The following WTAP variants were observed in gnomAD, a reference collection of about 807,000 sequenced individuals.
The protein encoded by WTAP is pre-mRNA-splicing regulator WTAP.
Under a neutral mutation model 50.0 loss-of-function variants are expected in WTAP, and 8 were observed. That is an observed-to-expected ratio of 0.16 (90% CI 0.09 to 0.29). The LOEUF is 0.29. WTAP is among the 10% of genes least tolerant of loss of function. WTAP has a pLI of 1.00. For missense variants in WTAP, 295 were observed against 470.7 expected, an observed-to-expected ratio of 0.63 and a Z score of 3.45; for synonymous variants, 194 against 169.0, an observed-to-expected ratio of 1.15 and a Z score of -1.15.
intron 1 of WTAP, chr6:159,730,762 G>C (rs570672718): frequency 3.3e-5 from 5 of 152,154 alleles, no homozygotes; most frequent in Non-Finnish European, 7.4e-5. Flanking sequence ...TCTGAGAGTT[G>C]ACTTAGGAAG....
At position 159,752,062 on chromosome 6, in the gene WTAP, CAAA is replaced by C. The variant is rs60854821; in HGVS notation, c.453-1384_453-1382del. On this transcript the variant is annotated intron_variant, in intron 6 of 7. Coordinates refer to ENST00000621533, the MANE Select transcript of WTAP (RefSeq NM_001270531.2). The stretch of plus-strand genomic sequence containing the variant: ...TGGCAACACAGTGAGACCCCCATCT[CAAA>C]AAAAAAAAAAAAATGCTGTAGGTGA... 2.7e-3 allele frequency among the ~76,000 whole-genome samples: 261 copies of C among 94,974 alleles called. 1 individual carries two copies. The Middle Eastern group carries it at 0.034, about 12-fold the overall frequency. The allele number at this position is 94,974 out of a possible 152,430, so 62.3% of individuals were successfully genotyped here.
chr6:159,746,632 T>TA (rs2114939768), intron 5 of WTAP, among the ~76,000 whole-genome samples: 1 of 152,364 alleles, frequency 6.6e-6, no homozygotes, highest in African/African-American at 2.4e-5. Flanking sequence ...GCCACGTAGT[T>TA]ACTATATTCT....
intron 5 of WTAP, among the ~76,000 whole-genome samples, chr6:159,747,960 A>G (rs1346019091): frequency 6.6e-6 from 1 of 152,204 alleles, no homozygotes; most frequent in African/African-American, 2.4e-5. Flanking sequence ...TGATGTTTCA[A>G]TACATATAAT....
At chr6:159,727,873 A>G (rs756719316) in intron 1 of WTAP, among the ~76,000 whole-genome samples, 170 bp downstream of exon 1, 3 of 152,190 alleles carry the variant, frequency 2.0e-5, no homozygotes, top group Non-Finnish European at 1.5e-5. Context: ...TGCGGGGAAC[A>G]CTTCCGCCGC....
upstream of WTAP, chr6:159,727,152 C>G: frequency 2.2e-5 from 26 of 1,194,778 alleles, no homozygotes; most frequent in Non-Finnish European, 2.7e-5. Flanking sequence ...CTCCGGGGCC[C>G]GCGGAGCTCG....
intron 6 of WTAP, chr6:159,749,051 C>T (rs1394818806): frequency 1.0e-6 from 1 of 991,298 alleles, no homozygotes; most frequent in Non-Finnish European, 1.2e-6. Context: ...TAGTTTGGGG[C>T]TCTATATTAC....
chr6:159,727,469 T>G (rs1179147463), upstream of WTAP: 20 of 956,728 alleles, frequency 2.1e-5, no homozygotes, highest in African/African-American at 4.2e-4. Context: ...AGCGGAGCCG[T>G]GCGGCGGGGC....
intron 2 of WTAP, among the ~76,000 whole-genome samples, chr6:159,736,948 C>A (rs1778959593): frequency 6.6e-6 from 1 of 152,160 alleles, no homozygotes; most frequent in South Asian, 2.1e-4. Flanking sequence ...TTAGATATTA[C>A]AGAAGTTTCC....
chr6:159,738,990 G>T lies in WTAP; in HGVS notation c.31G>T (p.Val11Phe). ...ATTCATATTGTAATTCTCTTTATAG[G>T]TTCGATTGAGTGAAACAGACTTCAA... Reference protein sequence around the residue: MTNEEPLPKKVRLSETDFKVM... With the variant: MTNEEPLPKKFRLSETDFKVM... Residue 11 changes from valine (V) to phenylalanine (F), a missense_variant and splice_region_variant, in exon 3 of 8, where the codon GTT (valine) becomes TTT (phenylalanine). By Grantham distance (50) the Val-to-Phe change is conservative (BLOSUM62 -1). Around this residue, in one of 2 missense-constraint regions of WTAP, gnomAD observed 120 missense variants for 287.6 expected, o/e 0.42. Coordinates refer to ENST00000621533, the MANE Select transcript of WTAP (RefSeq NM_001270531.2). 6.2e-7 allele frequency: 1 copy of T among 1,609,696 alleles called. No individual in the cohort carries two copies. Among genetic ancestry groups the T allele is most frequent in the Non-Finnish European group, 8.5e-7 (1 of 1,177,000 alleles).
intron 2 of WTAP, among the ~76,000 whole-genome samples, chr6:159,738,022 T>C (rs539285142): frequency 2.6e-5 from 4 of 152,336 alleles, no homozygotes; most frequent in Admixed American, 6.5e-5. Context: ...CTAGCAGACA[T>C]CTCTAATAAC....
chr6:159,750,218 A>T (rs1384118280), intron 6 of WTAP, among the ~76,000 whole-genome samples: 1 of 152,214 alleles, frequency 6.6e-6, no homozygotes, highest in African/African-American at 2.4e-5. Context: ...ATTTAAGTTC[A>T]CAGTAGAAAT....
At chr6:159,731,884 C>T (rs1488135298) in intron 1 of WTAP, among the ~76,000 whole-genome samples, 1 of 151,978 alleles carries the variant, frequency 6.6e-6, no homozygotes, top group Non-Finnish European at 1.5e-5. Flanking sequence ...CTTTTAATGC[C>T]CTTTAAAAAC....
chr6:159,737,308 T>G (rs75890430), intron 2 of WTAP, among the ~76,000 whole-genome samples: 3,052 of 152,062 alleles, frequency 0.02, 52 homozygotes, highest in Middle Eastern at 0.051. Flanking sequence ...GCCTCTGCCT[T>G]CCAAAGTGCT....
At chr6:159,743,482 T>TATG (rs1185275822) in intron 4 of WTAP, among the ~76,000 whole-genome samples, 183 bp from the exon 5 acceptor site, 6 of 152,270 alleles carry the variant, frequency 3.9e-5, no homozygotes, top group Non-Finnish European at 7.3e-5. Context: ...CATGGAGCAC[T>TATG]ATGACACCAT....
Position 159,756,185 on chromosome 6 carries a change from T to A in WTAP, c.*574T>A, listed in dbSNP as rs1219818308. 1 of 153,096 alleles carries A rather than the reference T, an allele frequency of 6.5e-6. No individual in the cohort carries two copies. The highest frequency in any genetic ancestry group is 1.5e-5 in the Non-Finnish European group (1 of 68,436). 9.5% of individuals were successfully genotyped at this position (153,096 alleles called of 1,614,324 possible). ...GTGCATTTTCTCTTTAGGTGACTGT[T>A]TAAGAAATTTGTGTGCATAGTTACT... On this transcript the variant is annotated 3_prime_UTR_variant, in exon 8 of 8. Coordinates refer to ENST00000621533, the MANE Select transcript of WTAP (RefSeq NM_001270531.2).
chr6:159,739,043 A>G lies in WTAP; in HGVS notation c.84A>G (p.Leu28=). The G allele has an allele frequency of 1.2e-6, 2 of 1,610,572 alleles. No individual in the cohort carries two copies. Among genetic ancestry groups the G allele is most frequent in the Non-Finnish European group, 1.7e-6 (2 of 1,177,784 alleles). ...TTATGGCAAGAGATGAGTTAATTCT[A>G]AGGTAAAATGTTCTCTGTTCAAAAA... ...FKVMARDELI[L]RWKQYEAYVQ... The change falls in exon 3 of 8, where the codon CTA becomes CTG. Residue 28 remains leucine (L), a splice_region_variant and synonymous_variant. Coordinates refer to ENST00000621533, the MANE Select transcript of WTAP (RefSeq NM_001270531.2).
At chr6:159,743,996 T>C (rs1387662359) in intron 5 of WTAP, among the ~76,000 whole-genome samples, 3 of 152,130 alleles carry the variant, frequency 2.0e-5, no homozygotes, top group Non-Finnish European at 4.4e-5. Context: ...AAGGCAAAGT[T>C]TTAAGTTTTT....
Position 159,748,726 on chromosome 6 carries a change from A to G in WTAP, c.452+357A>G. ...AACAGAAGTCTTAAGTCTGTGGCAC[A>G]CTGTGTCTTCAGACAGTTTGAAGGA... On this transcript the variant is annotated intron_variant, in intron 6 of 7. Coordinates refer to ENST00000621533, the MANE Select transcript of WTAP (RefSeq NM_001270531.2). The surrounding 1 kb of genome is among the most constrained non-coding windows in gnomAD (Gnocchi z 5.6). 1 of 1,245,664 alleles carries G rather than the reference A, an allele frequency of 8.0e-7. No individual in the cohort carries two copies. Among genetic ancestry groups the G allele is most frequent in the Non-Finnish European group, 1.0e-6 (1 of 995,792 alleles). 77.2% of individuals were successfully genotyped at this position (1,245,664 alleles called of 1,614,324 possible).
At position 159,744,355 on chromosome 6, in the gene WTAP, ATAAT is replaced by A. The variant is rs1284418295; in HGVS notation, c.273+566_273+569del. On this transcript the variant is annotated intron_variant, in intron 5 of 7. Coordinates refer to ENST00000621533, the MANE Select transcript of WTAP (RefSeq NM_001270531.2). ...CAATCTTACGGTGTAATTATACAAA[ATAAT>A]TAGAGGCAGCTGTATCCTTGTTTCT... 2.0e-5 allele frequency among the ~76,000 whole-genome samples: 3 copies of A among 152,234 alleles called. No homozygotes were observed. In the South Asian group the frequency reaches 6.2e-4, roughly 32 times the overall value.
Sources: gnomAD v4.1 joint callset for allele counts (sites outside exome capture counted in the v4.1 genomes callset) on GRCh38, gnomAD v4.1.1 for gene constraint, gnomAD v4.1.1 regional missense constraint, Gnocchi (gnomAD v3.1) non-coding constraint, MANE v1.5 for transcripts, NCBI Gene and HGNC (gene_info 2026-07-23, HGNC 2026-07-21) for gene names.